The following WDR4 variants were observed in gnomAD, a reference collection of about 807,000 sequenced individuals.
WDR4 encodes the protein tRNA (guanine-N(7)-)-methyltransferase non-catalytic subunit WDR4.
A neutral mutation model predicts 48.6 loss-of-function variants in WDR4; 47 were observed. The observed-to-expected ratio is 0.97, with a 90% confidence interval of 0.77 to 1.23. The LOEUF (loss-of-function observed/expected upper bound fraction) is 1.23. WDR4 is among the 50% of genes most tolerant of loss of function. The pLI is 0.00. For missense variants in WDR4, 606 were observed against 551.6 expected, an observed-to-expected ratio of 1.10 and a Z score of -0.99; for synonymous variants, 268 against 230.0, an observed-to-expected ratio of 1.17 and a Z score of -1.49.
At chr21:42,852,382 C>A (rs1343357320) in intron 9 of WDR4, 58 bp from the exon 10 acceptor site, 1 of 1,581,524 alleles carries the variant, frequency 6.3e-7, no homozygotes, top group Non-Finnish European at 8.6e-7. Flanking sequence ...AAACCCAGCA[C>A]CAGGACGCAA....
chr21:42,882,831 G>A (rs2058617399), upstream of WDR4, among the ~76,000 whole-genome samples: 1 of 151,920 alleles, frequency 6.6e-6, no homozygotes, highest in Non-Finnish European at 1.5e-5. Flanking sequence ...GGGCGCAGTG[G>A]CTAACGCCTG....
At chr21:42,865,978 C>G (rs901618629) in intron 3 of WDR4, among the ~76,000 whole-genome samples, 1 of 152,136 alleles carries the variant, frequency 6.6e-6, no homozygotes, top group Non-Finnish European at 1.5e-5. Context: ...CATCCACACC[C>G]ACACTCCAGC....
At chr21:42,863,380 T>C in intron 4 of WDR4, 60 bp downstream of exon 4, 1 of 1,540,216 alleles carries the variant, frequency 6.5e-7, no homozygotes, top group Admixed American at 1.9e-5. Context: ...ACGTGCCACG[T>C]CCCCCATGTA....
intron 3 of WDR4, among the ~76,000 whole-genome samples, chr21:42,866,532 AAG>A (rs2058250918): frequency 6.6e-6 from 1 of 152,150 alleles, no homozygotes. Context: ...CATCAGATCT[AAG>A]AGTCTGAGAT....
the WDR4 span, among the ~76,000 whole-genome samples, chr21:42,888,580 A>C: frequency 6.6e-6 from 1 of 151,792 alleles, no homozygotes; most frequent in East Asian, 1.9e-4. Context: ...ATAAATCAAT[A>C]AATATCATAC....
upstream of WDR4, chr21:42,879,795 G>C (rs2058591810): frequency 7.1e-6 from 3 of 424,934 alleles, no homozygotes; most frequent in Non-Finnish European, 1.3e-5. Flanking sequence ...AGACGGGGTA[G>C]GGCTGGTTCT....
At chr21:42,845,167 A>G (rs2057700042), downstream of WDR4, among the ~76,000 whole-genome samples, 2 of 152,248 alleles carry the variant, frequency 1.3e-5, no homozygotes, top group South Asian at 4.1e-4. Flanking sequence ...AGGGCTCAAC[A>G]AATCTAAAGA....
the WDR4 span, among the ~76,000 whole-genome samples, chr21:42,891,680 G>A: frequency 3.9e-5 from 6 of 152,158 alleles, no homozygotes; most frequent in South Asian, 2.1e-4. Context: ...AAATCTGGCC[G>A]GGTGTAGTGG....
intron 8 of WDR4, among the ~76,000 whole-genome samples, chr21:42,854,287 G>A (rs1245861613): frequency 6.6e-6 from 1 of 152,220 alleles, no homozygotes; most frequent in Non-Finnish European, 1.5e-5. Context: ...CTGGCCCAGG[G>A]GAAAGTCTGT....
upstream of WDR4, chr21:42,879,729 G>C (rs961530400): frequency 3.8e-6 from 2 of 521,926 alleles, no homozygotes; most frequent in African/African-American, 1.9e-5. Context: ...AAGGTGATCT[G>C]ATGGAGTGCA....
chr21:42,861,265 G>T (rs1158709349), intron 5 of WDR4, among the ~76,000 whole-genome samples: 2 of 135,302 alleles, frequency 1.5e-5, no homozygotes, highest in African/African-American at 5.6e-5. Context: ...AGTGAGCCAA[G>T]ATCACGCCAC....
chr21:42,863,908 C>T (rs545559442), intron 3 of WDR4, among the ~76,000 whole-genome samples: 2 of 121,608 alleles, frequency 1.6e-5, no homozygotes, highest in African/African-American at 3.7e-5. Flanking sequence ...AGATTGAGAC[C>T]ATTCTGGCTA....
chr21:42,843,490 A>G (rs1229401422), intron 11 of WDR4, among the ~76,000 whole-genome samples: 3 of 137,220 alleles, frequency 2.2e-5, no homozygotes, highest in African/African-American at 5.6e-5. Flanking sequence ...GGCTTGCTGC[A>G]GCCTCAAACT....
chr21:42,849,813 G>A lies in WDR4; in HGVS notation c.*236C>T. The A allele has an allele frequency of 2.0e-6, 1 of 489,352 alleles. No individual in the cohort carries two copies. The highest frequency in any genetic ancestry group is 3.2e-5 in the South Asian group (1 of 31,528). 30.3% of individuals were successfully genotyped at this position (489,352 alleles called of 1,614,324 possible). On this transcript the variant is annotated 3_prime_UTR_variant, in exon 11 of 11. Transcript: ENST00000398208. ...GACATGAAAAGAAAGTGCTTCAAGA[G>A]CTTCCACTCCACTGGTCTGGCTTCC...
chr21:42,844,902 A>G (rs1219450109), downstream of WDR4, among the ~76,000 whole-genome samples: 1 of 152,192 alleles, frequency 6.6e-6, no homozygotes, highest in Admixed American at 6.5e-5. Flanking sequence ...CAGGAAAAGC[A>G]AGCACACTGG....
chr21:42,873,718 A>C (rs2058426161), intron 2 of WDR4, 27 bp from the exon 3 acceptor site: 1 of 1,605,378 alleles, frequency 6.2e-7, no homozygotes, highest in Non-Finnish European at 8.5e-7. Context: ...GAAGACGGTT[A>C]AGCTTCACCT....
chr21:42,846,052 A>G (rs2057709160), downstream of WDR4, among the ~76,000 whole-genome samples: 1 of 152,072 alleles, frequency 6.6e-6, no homozygotes, highest in South Asian at 2.1e-4. Flanking sequence ...GGATCGCTTG[A>G]GCCCAGGAGG....
chr21:42,868,772 A>C (rs186803158), intron 3 of WDR4, among the ~76,000 whole-genome samples: 4 of 152,348 alleles, frequency 2.6e-5, no homozygotes, highest in Non-Finnish European at 4.4e-5. Flanking sequence ...ATCAACCCCA[A>C]GGAAACCGCT....
chr21:42,850,150 G>C lies in WDR4; in HGVS notation c.1138C>G (p.Gln380Glu). ...CGCTGCTTCTTCTCTAGCTGCTGCT[G>C]CAGTCTCTCCTCTTTCTTCTTCAGG... ...SYLKKKEERL[Q>E]QQLEKKQRRR... The change falls in exon 11 of 11, where the codon CAG (glutamine) becomes GAG (glutamate). Residue 380 changes from glutamine (Q) to glutamate (E), a missense_variant. Gln to Glu is a conservative substitution (Grantham distance 29, BLOSUM62 2). Coordinates refer to ENST00000398208, the MANE Select transcript of WDR4 (RefSeq NM_018669.6). 6.2e-7 allele frequency: 1 copy of C among 1,614,088 alleles called. No homozygotes were observed. Among genetic ancestry groups the C allele is most frequent in the Non-Finnish European group, 8.5e-7 (1 of 1,179,996 alleles).
Sources: gnomAD v4.1 joint callset for allele counts (sites outside exome capture counted in the v4.1 genomes callset) on GRCh38, gnomAD v4.1.1 for gene constraint, MANE v1.5 for transcripts, NCBI Gene and HGNC (gene_info 2026-07-23, HGNC 2026-07-21) for gene names.